Variants in DOCK9 observed in about 807,000 individuals in gnomAD.
DOCK9 encodes dedicator of cytokinesis protein 9.
A neutral mutation model predicts 263.3 loss-of-function variants in DOCK9; 89 were observed. The observed-to-expected ratio is 0.34, with a 90% CI of 0.28 to 0.40. The LOEUF is 0.40. Among genes scored for constraint, DOCK9 ranks in the 10% least tolerant of loss-of-function variants. The pLI, the probability that DOCK9 is intolerant of heterozygous loss-of-function variation, is 1.00. For missense variants in DOCK9, 2,140 were observed against 2,603.4 expected (o/e 0.82, Z 3.87); for synonymous variants, 976 against 973.1 (o/e 1.00, Z -0.06).
In DOCK9 at chr13:99,061,879, G is replaced by T. The variant is rs549165309; in HGVS notation, c.129+24344C>A. ...CTTTTTGTTTTTTGTTTTTGGTTTTGTTTTTTTTTTGAGACACGGTCTCAC... is the reference window on the plus strand; with the variant it reads ...CTTTTTGTTTTTTGTTTTTGGTTTTTTTTTTTTTTTGAGACACGGTCTCAC... On this transcript the variant is annotated intron_variant, in intron 1 of 32. Transcript: ENST00000427887. Among the ~76,000 whole-genome samples, 11 of 147,834 alleles carry T rather than the reference G, an allele frequency of 7.4e-5. No homozygotes were observed. In the South Asian group the frequency reaches 1.7e-3, roughly 23 times the overall value.
intron 2 of DOCK9, among the ~76,000 whole-genome samples, chr13:98,930,700 A>G (rs1015897882): frequency 2.2e-4 from 34 of 152,148 alleles, no homozygotes; most frequent in African/African-American, 7.7e-4. Context: ...GCTGGAGTGC[A>G]ATGGCGGGAT....
intron 1 of DOCK9, among the ~76,000 whole-genome samples, chr13:99,069,028 A>G (rs750893303): frequency 2.0e-5 from 3 of 152,222 alleles, no homozygotes; most frequent in Non-Finnish European, 2.9e-5. Flanking sequence ...CCAAATTGTC[A>G]TTTACAGCTG....
intron 39 of DOCK9, among the ~76,000 whole-genome samples, chr13:98,836,891 T>C (rs1049726758): frequency 6.6e-6 from 1 of 152,188 alleles, no homozygotes; most frequent in Non-Finnish European, 1.5e-5. Flanking sequence ...CTCCTTTCTA[T>C]GCTAGAAATG....
At chr13:98,954,405 C>T (rs1163778363) in intron 2 of DOCK9, among the ~76,000 whole-genome samples, 1 of 152,142 alleles carries the variant, frequency 6.6e-6, no homozygotes, top group Admixed American at 6.5e-5. Flanking sequence ...CCAAATGGAC[C>T]AAGGTGGCTC....
At chr13:98,807,249 T>C (rs1390719065) in intron 48 of DOCK9, among the ~76,000 whole-genome samples, 1 of 152,164 alleles carries the variant, frequency 6.6e-6, no homozygotes, top group Non-Finnish European at 1.5e-5. Flanking sequence ...CCTTGGCCTG[T>C]CCATGTGTCC....
chr13:98,823,559 C>T (rs537528921), intron 45 of DOCK9, among the ~76,000 whole-genome samples: 3 of 152,176 alleles, frequency 2.0e-5, no homozygotes, highest in Non-Finnish European at 4.4e-5. Flanking sequence ...AATTGGACAA[C>T]TTCAATTTCC....
intron 9 of DOCK9, among the ~76,000 whole-genome samples, chr13:98,910,073 A>C (rs1251909641): frequency 2.6e-5 from 4 of 152,248 alleles, no homozygotes; most frequent in African/African-American, 7.2e-5. Flanking sequence ...ATAAAAGCTC[A>C]CAAACAGAAA....
chr13:98,860,169 G>A (rs1395117083), intron 33 of DOCK9: 11 of 1,347,384 alleles, frequency 8.2e-6, no homozygotes, highest in African/African-American at 2.9e-5. Flanking sequence ...AGCAAACAGC[G>A]TGAGCCAGTG....
intron 1 of DOCK9, among the ~76,000 whole-genome samples, chr13:99,067,373 G>C (rs2041467367): frequency 6.6e-6 from 1 of 152,194 alleles, no homozygotes; most frequent in East Asian, 1.9e-4. Flanking sequence ...AATGACTCAA[G>C]ATCTGCTAAG....
At chr13:98,950,399 T>G in intron 2 of DOCK9, 1 of 858,718 alleles carries the variant, frequency 1.2e-6, no homozygotes, top group Admixed American at 2.1e-5. Context: ...TTCCTCTTTT[T>G]CAGATTTTCT....
At chr13:98,996,801 A>C (rs1881153365) in intron 1 of DOCK9, among the ~76,000 whole-genome samples, 1 of 152,244 alleles carries the variant, frequency 6.6e-6, no homozygotes, top group Admixed American at 6.5e-5. Flanking sequence ...TCCTGATCTA[A>C]TCCTTTACCT....
At chr13:98,852,548 G>A (rs994758622) in intron 35 of DOCK9, among the ~76,000 whole-genome samples, 10 of 151,982 alleles carry the variant, frequency 6.6e-5, no homozygotes, top group African/African-American at 1.9e-4. Context: ...CACACCTCCC[G>A]CCCCCAGATA....
intron 24 of DOCK9, 31 bp downstream of exon 24, chr13:98,881,861 G>T: frequency 6.6e-7 from 1 of 1,515,134 alleles, no homozygotes; most frequent in Non-Finnish European, 9.0e-7. Flanking sequence ...CAGACTAGAA[G>T]TGAGGAAGAG....
In DOCK9 at chr13:98,955,546, C is replaced by A. The variant is rs1308349298; in HGVS notation, c.132G>T (p.Lys44Asn). 1 of 1,585,512 alleles carries A rather than the reference C, an allele frequency of 6.3e-7. No homozygotes were observed. The highest frequency in any genetic ancestry group is 1.8e-5 in the Admixed American group (1 of 56,274). The change falls in exon 2 of 53, where the codon AAG becomes AAT. Residue 44 changes from lysine to asparagine, a missense_variant. Around this residue, in one of 2 missense-constraint regions of DOCK9, gnomAD observed 1,521 missense variants for 1,741.7 expected, o/e 0.87. Transcript: ENST00000682017. ...EAESPGPVPAKPKLIEPLDYE... is the reference protein window; with the variant it reads ...EAESPGPVPANPKLIEPLDYE... ...AGTCGAGTGGCTCAATTAGCTTTGG[C>A]TTTGCCTGGAGGGCGAAAAGATAAG... is the stretch of plus-strand genomic sequence containing the variant.
intron 2 of DOCK9, among the ~76,000 whole-genome samples, chr13:98,954,987 T>G (rs575487137): frequency 7.5e-4 from 114 of 152,216 alleles, no homozygotes; most frequent in African/African-American, 2.6e-3. Flanking sequence ...TAAAATAACT[T>G]TTCTTTCTTA....
rs747433928 is a variant in DOCK9 at position 98,888,500 on chromosome 13, T to A, written c.1837A>T (p.Ser613Cys). ...YIPTKQFETC[S>C]KTPITFEVEE... ...ACTTCAAACGTGATGGGAGTTTTAC[T>A]GCAGGTTTCAAATTGTTTTGTGGGA... The change falls in exon 17 of 53, where the codon AGT becomes TGT. Residue 613 changes from serine to cysteine, a missense_variant. Physicochemically the swap from Ser to Cys is moderately radical, Grantham distance 112 (BLOSUM62 -1). Coordinates refer to ENST00000682017, the MANE Select transcript of DOCK9 (RefSeq NM_001366683.2). The A allele has an allele frequency of 6.2e-7, 1 of 1,614,020 alleles. No individual in the cohort carries two copies. The highest frequency in any genetic ancestry group is 8.5e-7 in the Non-Finnish European group (1 of 1,179,872).
Position 99,002,640 on chromosome 13 carries a change from C to G in DOCK9, c.130-47089G>C, listed in dbSNP as rs1164637479. On this transcript the variant is annotated intron_variant, in intron 1 of 32. Coordinates refer to the DOCK9 transcript ENST00000427887. ...TGCTTCCCAAGCTAGACCAGGCTCCCCATTCAACTTTGTCTCATCTTTTTC... is the reference window on the plus strand; with the variant it reads ...TGCTTCCCAAGCTAGACCAGGCTCCGCATTCAACTTTGTCTCATCTTTTTC... 2.6e-5 allele frequency among the ~76,000 whole-genome samples: 4 copies of G among 152,322 alleles called. No homozygotes were observed. In the East Asian group the frequency reaches 7.7e-4, roughly 29 times the overall value.
intron 18 of DOCK9, among the ~76,000 whole-genome samples, chr13:98,887,802 A>G (rs1472311185): frequency 6.6e-6 from 1 of 152,020 alleles, no homozygotes; most frequent in Non-Finnish European, 1.5e-5. Flanking sequence ...AAAATTATCA[A>G]TTGTTGATCA....
At chr13:98,832,897 T>C (rs921289761) in intron 39 of DOCK9, 2 of 152,254 alleles carry the variant, frequency 1.3e-5, no homozygotes, top group Admixed American at 6.5e-5. Flanking sequence ...TTTTGCTACA[T>C]AGCAAATTAT....
Sources: allele counts gnomAD v4.1 joint callset (sites outside exome capture counted in the v4.1 genomes callset), GRCh38; gene constraint gnomAD v4.1.1; regional missense constraint gnomAD v4.1.1; transcripts MANE v1.5; gene names NCBI Gene and HGNC (gene_info 2026-07-23, HGNC 2026-07-21).